MTHFD2L: variants seen among roughly 807,000 people sequenced by gnomAD.
MTHFD2L encodes methylenetetrahydrofolate dehydrogenase (NADP+ dependent) 2 like, also known as bifunctional methylenetetrahydrofolate dehydrogenase/cyclohydrolase 2, mitochondrial.
Under a neutral mutation model 34.9 loss-of-function variants are expected in MTHFD2L, and 29 were observed. That is an observed-to-expected ratio of 0.83 (90% CI 0.62 to 1.13). The LOEUF (loss-of-function observed/expected upper bound fraction) is 1.13. MTHFD2L is among the 50% of genes most tolerant of loss of function. The pLI, the probability that MTHFD2L is intolerant of heterozygous loss-of-function variation, is 0.00. For synonymous variants in MTHFD2L, 167 were observed against 155.7 expected, an observed-to-expected ratio of 1.07 and a Z score of -0.54; for missense variants, 481 against 446.5, an observed-to-expected ratio of 1.08 and a Z score of -0.70.
intron 4 of MTHFD2L, among the ~76,000 whole-genome samples, chr4:74,200,893 C>T (rs1008256258): frequency 2.6e-5 from 4 of 152,112 alleles, no homozygotes; most frequent in Non-Finnish European, 2.9e-5. Context: ...TTTGTTCCAG[C>T]GTTGCTCAAA....
At chr4:74,123,414 C>T (rs992752903), upstream of MTHFD2L, 7 of 152,112 alleles carry the variant, frequency 4.6e-5, no homozygotes, top group Non-Finnish European at 1.0e-4. Context: ...TTCTGTAGCA[C>T]TGTGTGAAGG....
intron 6 of MTHFD2L, among the ~76,000 whole-genome samples, chr4:74,259,070 CT>C (rs1744373747): frequency 6.6e-6 from 1 of 152,136 alleles, no homozygotes; most frequent in Non-Finnish European, 1.5e-5. Context: ...TGACCCACTA[CT>C]TTTTTCCACC....
intron 1 of MTHFD2L, among the ~76,000 whole-genome samples, chr4:74,134,907 TAAAC>T (rs1722799771): frequency 6.7e-6 from 1 of 150,112 alleles, no homozygotes; most frequent in South Asian, 2.1e-4. Flanking sequence ...TGTTAAAAAA[TAAAC>T]AGAGGAGAGA....
rs148896773 is a variant in MTHFD2L, at chr4:74,135,947, C to A, written c.-297+10430C>A. The stretch of plus-strand genomic sequence containing the variant: ...TCAACATTCCTTTATGATAAAAATC[C>A]TCAACAAACTGGGCATAGAAGAAAC... On this transcript the variant is annotated intron_variant, in intron 1 of 7. Coordinates refer to the MTHFD2L transcript ENST00000433372. 3.0e-4 allele frequency among the ~76,000 whole-genome samples: 46 copies of A among 151,914 alleles called. No homozygotes were observed. In the East Asian group the frequency reaches 7.4e-3, roughly 24 times the overall value.
At chr4:74,160,125 C>T (rs1725093585) in intron 1 of MTHFD2L, 1 of 1,280,188 alleles carries the variant, frequency 7.8e-7, no homozygotes. Context: ...TCCCCATCCA[C>T]AGTCATCTTT....
intron 3 of MTHFD2L, among the ~76,000 whole-genome samples, chr4:74,181,957 C>T (rs1203464007): frequency 6.6e-6 from 1 of 152,080 alleles, no homozygotes; most frequent in Non-Finnish European, 1.5e-5. Flanking sequence ...GCTATAATTA[C>T]TTTTCATGAG....
intron 1 of MTHFD2L, among the ~76,000 whole-genome samples, chr4:74,145,352 G>A (rs960365459): frequency 6.6e-6 from 1 of 152,086 alleles, no homozygotes; most frequent in South Asian, 2.1e-4. Flanking sequence ...AAATATACAG[G>A]AGGATGTGCA....
intron 6 of MTHFD2L, among the ~76,000 whole-genome samples, chr4:74,227,998 A>G (rs1031968857): frequency 5.3e-5 from 8 of 152,210 alleles, no homozygotes; most frequent in East Asian, 1.9e-4. Context: ...GAACATATAC[A>G]TGACTGCAGG....
At chr4:74,160,917 C>T (rs571868550) in intron 1 of MTHFD2L, 1 of 152,328 alleles carries the variant, frequency 6.6e-6, no homozygotes, top group East Asian at 1.9e-4. Context: ...TTCACAAAAC[C>T]CGCTTTGGCT....
chr4:74,170,398 A>AT (rs1727662189), intron 1 of MTHFD2L, among the ~76,000 whole-genome samples: 1 of 152,210 alleles, frequency 6.6e-6, no homozygotes, highest in Non-Finnish European at 1.5e-5. Context: ...GACATAAAAA[A>AT]CACTTGGCAG....
rs192062462 is a variant in MTHFD2L, at chr4:74,130,044, C to T, written c.-297+4527C>T. On this transcript the variant is annotated intron_variant, in intron 1 of 7. Coordinates refer to the MTHFD2L transcript ENST00000433372. ...TCCCAAGACTAAACCAGGAAGAAGT[C>T]GAATCCCTGAATAGACCAATAACAA... is the stretch of plus-strand genomic sequence containing the variant. Among the ~76,000 whole-genome samples the T allele has an allele frequency of 1.8e-3, 278 of 152,044 alleles. 1 individual carries two copies. Among genetic ancestry groups the T allele is most frequent in the African/African-American group, 6.6e-3 (272 of 41,514 alleles).
At chr4:74,194,211 G>A (rs1733078702) in intron 3 of MTHFD2L, 1 of 152,134 alleles carries the variant, frequency 6.6e-6, no homozygotes, top group African/African-American at 2.4e-5. Context: ...CAATGTATGG[G>A]ACTCCTTTCT....
chr4:74,206,074 G>T (rs1735243005), intron 5 of MTHFD2L, among the ~76,000 whole-genome samples: 1 of 151,028 alleles, frequency 6.6e-6, no homozygotes, highest in African/African-American at 2.4e-5. Context: ...CTCTCTGCTT[G>T]TGTAGTTCAA....
chr4:74,189,369 G>A (rs1469497355), intron 3 of MTHFD2L, among the ~76,000 whole-genome samples: 2 of 151,848 alleles, frequency 1.3e-5, no homozygotes, highest in Non-Finnish European at 2.9e-5. Context: ...CTTTCTCAGA[G>A]GGAGGTTTAT....
intron 5 of MTHFD2L, among the ~76,000 whole-genome samples, chr4:74,221,393 A>G (rs952986749): frequency 1.3e-5 from 2 of 151,770 alleles, no homozygotes; most frequent in Admixed American, 6.6e-5. Context: ...CAAATACAAT[A>G]TATTTTGTTT....
chr4:74,169,572 A>C (rs73827561), intron 1 of MTHFD2L, among the ~76,000 whole-genome samples: 3,410 of 152,344 alleles, frequency 0.022, 115 homozygotes, highest in African/African-American at 0.076. Context: ...TTTTTTTAAC[A>C]GATGAATCTG....
intron 3 of MTHFD2L, among the ~76,000 whole-genome samples, chr4:74,191,309 G>T (rs1477790075): frequency 6.6e-6 from 1 of 151,302 alleles, no homozygotes; most frequent in African/African-American, 2.4e-5. Flanking sequence ...CAAGGGCATT[G>T]TATACACACT....
At chr4:74,144,249 T>C (rs1473612040) in intron 1 of MTHFD2L, among the ~76,000 whole-genome samples, 1 of 152,110 alleles carries the variant, frequency 6.6e-6, no homozygotes, top group East Asian at 1.9e-4. Flanking sequence ...GGTCAGGAGT[T>C]CGAGACCAGC....
chr4:74,295,192 GCCT>G (rs1389315611), intron 7 of MTHFD2L, among the ~76,000 whole-genome samples: 2 of 151,844 alleles, frequency 1.3e-5, no homozygotes, highest in African/African-American at 4.8e-5. Flanking sequence ...CACCTCCCCG[GCCT>G]CCTCTCTTTC....
Sources: allele counts gnomAD v4.1 joint callset (sites outside exome capture counted in the v4.1 genomes callset), GRCh38; gene constraint gnomAD v4.1.1; transcripts MANE v1.5; gene names NCBI Gene and HGNC (gene_info 2026-07-23, HGNC 2026-07-21).